The following DEPDC5 variants were observed in gnomAD, a reference collection of about 807,000 sequenced individuals.
DEPDC5 encodes the protein GATOR1 complex protein DEPDC5.
A neutral mutation model predicts 217.3 loss-of-function variants in DEPDC5; 73 were observed. That is an observed-to-expected ratio of 0.34 (90% CI 0.28 to 0.41). DEPDC5 has a LOEUF of 0.41. Ranked by LOEUF, DEPDC5 falls within the 10% of genes least tolerant of loss-of-function variation. The probability of loss-of-function intolerance (pLI) is 1.00; values close to 1 mark genes in which losing one functional copy is unlikely to be tolerated. For synonymous variants in DEPDC5, 733 were observed against 756.7 expected, an observed-to-expected ratio of 0.97 and a Z score of 0.51; for missense variants, 1,675 against 2,070.1, an observed-to-expected ratio of 0.81 and a Z score of 3.70.
rs2149451198 is a variant in DEPDC5, at chr22:31,906,789, T to C, written c.*292T>C. ...GATTGTCCGTGGGAGGGCTCCAGTG[T>C]CTGGGAAGAGGGCAGGCGGCCCCCA... On this transcript the variant is annotated 3_prime_UTR_variant, in exon 43 of 43. Transcript: ENST00000651528. The surrounding 1 kb of genome is among the most constrained non-coding windows in gnomAD (Gnocchi z 5.1). 3 of 503,542 alleles carry C rather than the reference T, an allele frequency of 6.0e-6. No homozygotes were observed. Among genetic ancestry groups the C allele is most frequent in the South Asian group, 5.3e-5 (2 of 37,836 alleles). The allele number at this position is 503,542 out of a possible 1,614,324, so 31.2% of individuals were successfully genotyped here.
At chr22:31,887,937 G>A (rs1176821256) in intron 38 of DEPDC5, among the ~76,000 whole-genome samples, 1 of 152,138 alleles carries the variant, frequency 6.6e-6, no homozygotes, top group Non-Finnish European at 1.5e-5. Context: ...GATTTATAGG[G>A]GGAAGAAGGC....
chr22:31,802,805 A>G lies in DEPDC5; in HGVS notation c.1048A>G (p.Met350Val). 1.2e-6 allele frequency: 2 copies of G among 1,607,710 alleles called. No individual in the cohort carries two copies. Among genetic ancestry groups the G allele is most frequent in the Non-Finnish European group, 8.5e-7 (1 of 1,177,298 alleles). ...TGTCTTTGAAGTGGACCGCCTACTC[A>G]TGATCCTGACCAAGCAGCGGATGAT... Reference protein sequence around the residue: ...VGVFEVDRLLMILTKQRMIDN... With the variant: ...VGVFEVDRLLVILTKQRMIDN... Residue 350 changes from methionine to valine, a missense_variant, in exon 15 of 43, where the codon ATG (methionine) becomes GTG (valine). Physicochemically the swap from Met to Val is conservative, Grantham distance 21. Around this residue, in one of 11 missense-constraint regions of DEPDC5, gnomAD observed 628 missense variants for 762.1 expected, o/e 0.82. Coordinates refer to ENST00000651528, the MANE Select transcript of DEPDC5 (RefSeq NM_001242896.3).
chr22:31,830,272 T>C (rs766524906), intron 24 of DEPDC5, among the ~76,000 whole-genome samples: 6 of 152,262 alleles, frequency 3.9e-5, no homozygotes, highest in Non-Finnish European at 5.9e-5. Context: ...TCTGAACAGA[T>C]GTCAAAAGAG....
chr22:31,835,895 T>C (rs1357688386), intron 25 of DEPDC5, among the ~76,000 whole-genome samples: 1 of 152,224 alleles, frequency 6.6e-6, no homozygotes. Context: ...TTGTTCTTCA[T>C]TGACGGGAGG....
chr22:31,822,926 A>C (rs1569018383), intron 24 of DEPDC5, 136 bp downstream of exon 24: 1 of 811,532 alleles, frequency 1.2e-6, no homozygotes, highest in East Asian at 2.8e-5. Context: ...CCTATTTAGA[A>C]ACAGTGCTCT....
At chr22:31,795,065 A>ATTTTTTTTTTTT (rs983604458) in intron 12 of DEPDC5, among the ~76,000 whole-genome samples, 1 of 107,370 alleles carries the variant, frequency 9.3e-6, no homozygotes, top group Non-Finnish European at 1.8e-5. Flanking sequence ...ATTCCATGTG[A>ATTTTTTTTTTTT]TTTTTTTTTT....
At chr22:31,819,634 A>G (rs1216118835) in intron 22 of DEPDC5, among the ~76,000 whole-genome samples, 1 of 151,608 alleles carries the variant, frequency 6.6e-6, no homozygotes, top group African/African-American at 2.4e-5. Context: ...AGGCCTGGCT[A>G]GTTTTTTGTA....
chr22:31,873,026 A>G (rs1314422079), intron 34 of DEPDC5: 1 of 693,606 alleles, frequency 1.4e-6, no homozygotes, highest in Non-Finnish European at 2.1e-6. Context: ...AAGTGCTGGG[A>G]TTACAGACGT....
intron 21 of DEPDC5, chr22:31,817,096 A>C (rs2899169): frequency 0.99 from 155,879 of 158,214 alleles, 76,777 homozygotes; most frequent in South Asian, 1. Context: ...AAAGTGACAT[A>C]TTTCTTTCTT....
chr22:31,791,669 C>T (rs1270379756), intron 10 of DEPDC5, among the ~76,000 whole-genome samples: 1 of 150,266 alleles, frequency 6.7e-6, no homozygotes, highest in Non-Finnish European at 1.5e-5. Flanking sequence ...TGGCTCACAC[C>T]TGTAATCCCA....
At chr22:31,796,099 C>CTTTT (rs60336012) in intron 12 of DEPDC5, among the ~76,000 whole-genome samples, 2 of 127,538 alleles carry the variant, frequency 1.6e-5, no homozygotes, top group African/African-American at 3.1e-5. Context: ...TCCACAGTAT[C>CTTTT]TTTTTTTTTT....
intron 8 of DEPDC5, among the ~76,000 whole-genome samples, chr22:31,780,868 G>C (rs1270480816): frequency 1.3e-5 from 2 of 152,182 alleles, no homozygotes; most frequent in African/African-American, 4.8e-5. Context: ...CTGGCACCTA[G>C]TAGTCTCTCA....
At chr22:31,883,404 C>A (rs2093228615) in intron 38 of DEPDC5, among the ~76,000 whole-genome samples, 1 of 152,152 alleles carries the variant, frequency 6.6e-6, no homozygotes, top group Admixed American at 6.6e-5. Context: ...GCACTGTCCT[C>A]CACTCTGCTC....
intron 8 of DEPDC5, among the ~76,000 whole-genome samples, chr22:31,778,455 C>T (rs986594802): frequency 1.3e-5 from 2 of 152,060 alleles, no homozygotes; most frequent in Non-Finnish European, 2.9e-5. Context: ...CATCACTGCA[C>T]TCCAGCCTGG....
At chr22:31,780,739 G>T (rs185965122) in intron 8 of DEPDC5, among the ~76,000 whole-genome samples, 8 of 152,324 alleles carry the variant, frequency 5.3e-5, no homozygotes, top group Non-Finnish European at 1.0e-4. Context: ...GCACTCATTA[G>T]CAGTTCCCAC....
chr22:31,870,834 G>A (rs747717644), intron 34 of DEPDC5, 90 bp downstream of exon 34: 16 of 1,370,446 alleles, frequency 1.2e-5, no homozygotes, highest in Non-Finnish European at 1.5e-5. Flanking sequence ...AAAGCTCTGG[G>A]CCGAGTTCTG....
chr22:31,828,447 C>T (rs560189568), intron 24 of DEPDC5, among the ~76,000 whole-genome samples: 2 of 127,134 alleles, frequency 1.6e-5, no homozygotes, highest in African/African-American at 3.1e-5. Context: ...AGCAAAACTC[C>T]GTCTCAAAAA....
chr22:31,835,704 A>G (rs999783419), intron 25 of DEPDC5, among the ~76,000 whole-genome samples: 4 of 152,236 alleles, frequency 2.6e-5, no homozygotes, highest in Non-Finnish European at 2.9e-5. Flanking sequence ...CTCGGCTGCC[A>G]TATAGAAAAA....
intron 8 of DEPDC5, among the ~76,000 whole-genome samples, chr22:31,778,398 G>A (rs1166584621): frequency 6.6e-6 from 1 of 152,048 alleles, no homozygotes; most frequent in East Asian, 1.9e-4. Flanking sequence ...TGAGGTGGAA[G>A]AATTACCGGG....
Sources: allele counts gnomAD v4.1 joint callset (sites outside exome capture counted in the v4.1 genomes callset), GRCh38; gene constraint gnomAD v4.1.1; regional missense constraint gnomAD v4.1.1; non-coding constraint Gnocchi (gnomAD v3.1); transcripts MANE v1.5; gene names NCBI Gene and HGNC (gene_info 2026-07-23, HGNC 2026-07-21).